C7: variants seen among roughly 807,000 people sequenced by gnomAD.
C7 encodes the protein complement C7.
In C7, 83 loss-of-function variants were observed where a neutral mutation model predicts 104.8. That is an observed-to-expected ratio of 0.79 (90% CI 0.66 to 0.95). The LOEUF (loss-of-function observed/expected upper bound fraction) is 0.95, where lower values mean the gene tolerates loss of function less well. Ranked by LOEUF, C7 falls within the 40% of genes least tolerant of loss-of-function variation. The pLI, the probability that C7 is intolerant of heterozygous loss-of-function variation, is 0.00. For missense variants in C7, 1,070 were observed against 1,011.2 expected, an observed-to-expected ratio of 1.06 and a Z score of -0.79; for synonymous variants, 415 against 360.6, an observed-to-expected ratio of 1.15 and a Z score of -1.71.
chr5:40,937,525 T>C (rs1235657581), intron 5 of C7, 27 bp from the exon 6 acceptor site: 1 of 1,559,792 alleles, frequency 6.4e-7, no homozygotes, highest in South Asian at 1.2e-5. Flanking sequence ...TTTTATTTCC[T>C]CCTTCTCCTC....
At position 40,958,086 on chromosome 5, in the gene C7, A is replaced by G. The variant is rs763994702; in HGVS notation, c.1314A>G (p.Lys438=). The part of the protein sequence containing the change: ...VKEVPCASVK[K]LYLKWALEEY... ...AAGTACCTTGTGCCTCTGTGAAAAA[A>G]CTATACCTGAAATGGGCTCTTGAAG... Residue 438 remains lysine (K), a synonymous_variant, in exon 11 of 18, where the codon AAA becomes AAG. Coordinates refer to ENST00000313164, the MANE Select transcript of C7 (RefSeq NM_000587.4). The G allele has an allele frequency of 1.2e-6, 2 of 1,613,688 alleles. No individual in the cohort carries two copies. The highest frequency in any genetic ancestry group is 1.3e-5 in the African/African-American group (1 of 74,984).
At chr5:40,924,447 T>C (rs1739508903) in intron 1 of C7, among the ~76,000 whole-genome samples, 1 of 152,188 alleles carries the variant, frequency 6.6e-6, no homozygotes, top group South Asian at 2.1e-4. Flanking sequence ...CCAAGCTCAA[T>C]ATGCAAGCTA....
At chr5:40,942,241 G>A (rs912680733) in intron 6 of C7, among the ~76,000 whole-genome samples, 1 of 152,080 alleles carries the variant, frequency 6.6e-6, no homozygotes, top group Non-Finnish European at 1.5e-5. Context: ...ATAGTAACAG[G>A]TAAAGCATTT....
Position 40,931,057 on chromosome 5 carries a change from G to A in C7, c.63-7G>A. The A allele has an allele frequency of 6.2e-7, 1 of 1,601,890 alleles. No individual in the cohort carries two copies. The highest frequency in any genetic ancestry group is 1.3e-5 in the African/African-American group (1 of 74,820). ...GCTTTATGATGGACAATTTGACACT[G>A]TGGCAGTGCCTCCTCTCCAGTCAAC... On this transcript the variant is annotated splice_polypyrimidine_tract_variant and splice_region_variant and intron_variant, in intron 2 of 17. Transcript: ENST00000313164.
chr5:40,957,938 G>T, intron 10 of C7, 95 bp from the exon 11 acceptor site: 5 of 751,530 alleles, frequency 6.7e-6, no homozygotes. Flanking sequence ...CGTGGCTTTT[G>T]ATTTTGTTTT....
chr5:40,918,118 C>A (rs2111616014), intron 1 of C7, among the ~76,000 whole-genome samples: 1 of 152,010 alleles, frequency 6.6e-6, no homozygotes, highest in East Asian at 1.9e-4. Flanking sequence ...ACTGCGAAAC[C>A]ACAAAGACAA....
rs750072560 is a variant in C7, at chr5:40,931,152, A to G, written c.138+13A>G. The G allele has an allele frequency of 6.2e-7, 1 of 1,601,068 alleles. No individual in the cohort carries two copies. On this transcript the variant is annotated intron_variant, in intron 3 of 17. Transcript: ENST00000313164. The stretch of plus-strand genomic sequence containing the variant: ...TACCAAGACTCAGGTAGGACCATGC[A>G]AAACTTTGTATTTGATTATTTATTG...
At position 40,964,859 on chromosome 5, in the gene C7, A is replaced by G. The variant is rs1187137765; in HGVS notation, c.1868A>G (p.Glu623Gly). The change falls in exon 14 of 18, where the codon GAA becomes GGA. Residue 623 changes from glutamate to glycine, a missense_variant. Glu to Gly is a moderately conservative substitution (Grantham distance 98). Coordinates refer to ENST00000313164, the MANE Select transcript of C7 (RefSeq NM_000587.4). Reference sequence around the variant, plus strand: ...GAAGATTTACGGTGGCTTGTTGGGGAAATGCATTGTCAGAGTGAGTGGCGT... The same window carrying G: ...GAAGATTTACGGTGGCTTGTTGGGGGAATGCATTGTCAGAGTGAGTGGCGT... The part of the protein sequence containing the change: ...CGEDLRWLVG[E>G]MHCQKIACVL... The G allele has an allele frequency of 1.2e-6, 2 of 1,613,630 alleles. No homozygotes were observed. The highest frequency in any genetic ancestry group is 2.2e-5 in the South Asian group (2 of 91,010).
rs1740080194 is a variant in C7, at chr5:40,947,715, C to T, written c.852C>T (p.Pro284=). Reference sequence around the variant, plus strand: ...TCTGGAAGGAGCTTTCCCACCTCCCCTCTCTGTATGACTACAGTGCCTACC... The same window carrying T: ...TCTGGAAGGAGCTTTCCCACCTCCCTTCTCTGTATGACTACAGTGCCTACC... ...EPFWKELSHL[P]SLYDYSAYRR... Residue 284 remains proline, a synonymous_variant, in exon 8 of 18, where the codon CCC becomes CCT. Coordinates refer to ENST00000313164, the MANE Select transcript of C7 (RefSeq NM_000587.4). 1.9e-6 allele frequency: 3 copies of T among 1,613,782 alleles called. No homozygotes were observed. Among genetic ancestry groups the T allele is most frequent in the Non-Finnish European group, 1.7e-6 (2 of 1,179,776 alleles).
At chr5:40,942,097 A>C (rs1201366951) in intron 6 of C7, among the ~76,000 whole-genome samples, 3 of 152,208 alleles carry the variant, frequency 2.0e-5, no homozygotes, top group African/African-American at 7.2e-5. Flanking sequence ...TGAAATAAGA[A>C]AGGTGCCAGC....
intron 15 of C7, among the ~76,000 whole-genome samples, chr5:40,974,576 C>T (rs532525320): frequency 1.4e-3 from 218 of 152,020 alleles, no homozygotes; most frequent in African/African-American, 5.0e-3. Context: ...CCACCATGCC[C>T]GGCTAATTTT....
intron 14 of C7, among the ~76,000 whole-genome samples, chr5:40,971,569 G>A (rs1740698000): frequency 6.6e-6 from 1 of 152,150 alleles, no homozygotes; most frequent in African/African-American, 2.4e-5. Context: ...TTCTTTTGCT[G>A]AGCAGAAGCT....
intron 1 of C7, among the ~76,000 whole-genome samples, chr5:40,927,689 A>C (rs185430114): frequency 2.0e-5 from 3 of 152,226 alleles, no homozygotes; most frequent in Non-Finnish European, 4.4e-5. Context: ...ACGTAAAAAA[A>C]GTGCTCAACA....
At chr5:40,948,580 C>A (rs1156896367) in intron 8 of C7, among the ~76,000 whole-genome samples, 1 of 152,074 alleles carries the variant, frequency 6.6e-6, no homozygotes, top group Non-Finnish European at 1.5e-5. Flanking sequence ...AGGACATACC[C>A]CTGAATTAAT....
intron 7 of C7, among the ~76,000 whole-genome samples, chr5:40,946,137 G>T (rs1740043294): frequency 6.6e-6 from 1 of 151,736 alleles, no homozygotes; most frequent in South Asian, 2.1e-4. Context: ...TTTAGATGGT[G>T]CATGAAGATA....
chr5:40,921,049 C>CAA (rs34006222), intron 1 of C7, among the ~76,000 whole-genome samples: 28,066 of 125,864 alleles, frequency 0.22, 3,615 homozygotes, highest in African/African-American at 0.39. Flanking sequence ...ACTCTGTCTC[C>CAA]AAAAAAAAAA....
At chr5:40,971,364 G>A (rs1032882507) in intron 14 of C7, among the ~76,000 whole-genome samples, 1 of 152,070 alleles carries the variant, frequency 6.6e-6, no homozygotes, top group Non-Finnish European at 1.5e-5. Flanking sequence ...TCATATGTTT[G>A]TTGGCTGCAT....
chr5:40,958,984 C>G (rs944699355), intron 11 of C7, among the ~76,000 whole-genome samples: 3 of 152,084 alleles, frequency 2.0e-5, no homozygotes, highest in African/African-American at 4.8e-5. Flanking sequence ...ACAAAGGCAT[C>G]CTTATCCCTA....
chr5:40,932,373 A>T (rs1380018093), intron 3 of C7, among the ~76,000 whole-genome samples: 1 of 152,256 alleles, frequency 6.6e-6, no homozygotes, highest in Non-Finnish European at 1.5e-5. Flanking sequence ...CTCTTTTCCC[A>T]TAATTTTCTG....
Sources: gnomAD v4.1 joint callset for allele counts (sites outside exome capture counted in the v4.1 genomes callset) on GRCh38, gnomAD v4.1.1 for gene constraint, MANE v1.5 for transcripts, NCBI Gene and HGNC (gene_info 2026-07-23, HGNC 2026-07-21) for gene names.